The following DEK variants were observed in gnomAD, a reference collection of about 807,000 sequenced individuals.
DEK encodes the protein DEK proto-oncogene.
A neutral mutation model predicts 46.8 loss-of-function variants in DEK; 28 were observed. That is an observed-to-expected ratio of 0.60 (90% CI 0.44 to 0.82). The LOEUF is 0.82. Among genes scored for constraint, DEK ranks in the 40% least tolerant of loss-of-function variants. The probability of loss-of-function intolerance (pLI) is 0.00; values close to 1 mark genes in which losing one functional copy is unlikely to be tolerated. For missense variants in DEK, 416 were observed against 430.6 expected (o/e 0.97, Z 0.30); for synonymous variants, 160 against 144.5 (o/e 1.11, Z -0.77).
At chr6:18,245,764 C>T (rs182972925) in intron 7 of DEK, among the ~76,000 whole-genome samples, 29 of 152,348 alleles carry the variant, frequency 1.9e-4, no homozygotes, top group Admixed American at 1.6e-3. Context: ...TTAACCTCAA[C>T]GGCTCATTGA....
chr6:18,225,404 T>A lies in DEK; in HGVS notation c.*315A>T, dbSNP rs1790068132. 1 of 314,222 alleles carries A rather than the reference T, an allele frequency of 3.2e-6. No homozygotes were observed. Among genetic ancestry groups the A allele is most frequent in the East Asian group, 4.7e-5 (1 of 21,448 alleles). The allele number at this position is 314,222 out of a possible 1,614,324, so 19.5% of individuals were successfully genotyped here. Reference sequence around the variant, plus strand: ...AAGTATGCCTTAAGCAAGCTAATATTAAGTGCACTAAAAACCACAACAGCT... The same window carrying A: ...AAGTATGCCTTAAGCAAGCTAATATAAAGTGCACTAAAAACCACAACAGCT... On this transcript the variant is annotated 3_prime_UTR_variant, in exon 11 of 11. Coordinates refer to ENST00000652689, the MANE Select transcript of DEK (RefSeq NM_003472.4).
chr6:18,229,429 C>T (rs1790301617), intron 9 of DEK, among the ~76,000 whole-genome samples: 2 of 152,248 alleles, frequency 1.3e-5, no homozygotes, highest in South Asian at 4.2e-4. Flanking sequence ...CAAACTTCTC[C>T]AAGCTAAAGG....
At position 18,256,469 on chromosome 6, in the gene DEK, T is replaced by A; in HGVS notation, c.358-14A>T. On this transcript the variant is annotated splice_polypyrimidine_tract_variant and intron_variant, in intron 4 of 10. Transcript: ENST00000652689. ...TAATGAGGACACCTGAAAATGTTCC[T>A]TATTATTAATGGTATTTATTACCCA... 3 of 1,599,880 alleles carry A rather than the reference T, an allele frequency of 1.9e-6. No homozygotes were observed. The highest frequency in any genetic ancestry group is 2.6e-6 in the Non-Finnish European group (3 of 1,170,842).
chr6:18,242,728 G>A (rs1582272212), intron 7 of DEK, among the ~76,000 whole-genome samples: 1 of 152,142 alleles, frequency 6.6e-6, no homozygotes, highest in Admixed American at 6.5e-5. Flanking sequence ...CCAAAGCCCA[G>A]AAGTAGTAAT....
chr6:18,256,965 T>G (rs1474842236), intron 4 of DEK, among the ~76,000 whole-genome samples: 1 of 152,188 alleles, frequency 6.6e-6, no homozygotes, highest in African/African-American at 2.4e-5. Flanking sequence ...ATTAACAGAC[T>G]CACTGAAAAT....
intron 6 of DEK, among the ~76,000 whole-genome samples, chr6:18,250,063 A>G (rs575533794): frequency 6.6e-6 from 1 of 152,326 alleles, no homozygotes; most frequent in South Asian, 2.1e-4. Context: ...TCTCAATTGT[A>G]GAGAAATATG....
At chr6:18,263,749 A>C in intron 2 of DEK, 94 bp downstream of exon 2, 1 of 1,607,110 alleles carries the variant, frequency 6.2e-7, no homozygotes, top group Non-Finnish European at 8.5e-7. Context: ...CACGCCTCTA[A>C]ACACCAAAAG....
At chr6:18,258,831 G>A (rs1339835303) in intron 2 of DEK, among the ~76,000 whole-genome samples, 1 of 152,080 alleles carries the variant, frequency 6.6e-6, no homozygotes, top group Non-Finnish European at 1.5e-5. Context: ...AACTTCAAAA[G>A]ATATATAGAG....
At chr6:18,246,529 T>G (rs1791122066) in intron 7 of DEK, among the ~76,000 whole-genome samples, 1 of 152,236 alleles carries the variant, frequency 6.6e-6, no homozygotes, top group African/African-American at 2.4e-5. Flanking sequence ...AAATCTGACA[T>G]TTTCTTTTAA....
At chr6:18,253,103 ATT>A (rs912873446) in intron 6 of DEK, among the ~76,000 whole-genome samples, 24 of 137,456 alleles carry the variant, frequency 1.7e-4, no homozygotes, top group African/African-American at 2.1e-4. Flanking sequence ...AGAACCCCAC[ATT>A]TTTTTTTTTT....
rs760448785 is a variant in DEK at position 18,249,856 on chromosome 6, A to G, written c.574-17T>C. 1.3e-6 allele frequency: 2 copies of G among 1,586,876 alleles called. No individual in the cohort carries two copies. Among genetic ancestry groups the G allele is most frequent in the Non-Finnish European group, 1.7e-6 (2 of 1,171,942 alleles). On this transcript the variant is annotated splice_polypyrimidine_tract_variant and intron_variant, in intron 6 of 10. Transcript: ENST00000652689. ...CGGCAATGGCTGCATAAAAATTTAT[A>G]AAGATAACACCAATGAGGTATAATA...
intron 2 of DEK, among the ~76,000 whole-genome samples, chr6:18,261,298 C>T (rs114592070): frequency 6.6e-6 from 1 of 152,174 alleles, no homozygotes; most frequent in Non-Finnish European, 1.5e-5. Flanking sequence ...GTAGGCCGGG[C>T]GCAGTGGCTT....
chr6:18,253,267 T>G lies in DEK; in HGVS notation c.573+2464A>C, dbSNP rs995803994. Among the ~76,000 whole-genome samples, 3 of 152,210 alleles carry G rather than the reference T, an allele frequency of 2.0e-5. No individual in the cohort carries two copies. In the East Asian group the frequency reaches 5.8e-4, roughly 29 times the overall value. Reference sequence around the variant, plus strand: ...TATTTGATAGAGATGTTTTCAAACATGAACAAGGTGAGCTTGTCACTTCAA... The same window carrying G: ...TATTTGATAGAGATGTTTTCAAACAGGAACAAGGTGAGCTTGTCACTTCAA... On this transcript the variant is annotated intron_variant, in intron 6 of 10. Transcript: ENST00000652689.
chr6:18,260,242 A>T (rs1009211904), intron 2 of DEK, among the ~76,000 whole-genome samples: 3 of 152,224 alleles, frequency 2.0e-5, no homozygotes, highest in Admixed American at 6.5e-5. Context: ...TGATATGTAA[A>T]TAGTTGTTAT....
intron 2 of DEK, among the ~76,000 whole-genome samples, chr6:18,259,507 T>C (rs1469401219): frequency 6.6e-6 from 1 of 151,214 alleles, no homozygotes; most frequent in Non-Finnish European, 1.5e-5. Flanking sequence ...AATCATTTTT[T>C]GAATGAAATA....
chr6:18,234,456 G>C (rs1181849236), intron 9 of DEK, among the ~76,000 whole-genome samples: 1 of 152,110 alleles, frequency 6.6e-6, no homozygotes, highest in Non-Finnish European at 1.5e-5. Flanking sequence ...ACAGATTGCT[G>C]TGGGAAAATA....
chr6:18,246,420 C>G (rs1016962875), intron 7 of DEK, among the ~76,000 whole-genome samples: 2 of 152,160 alleles, frequency 1.3e-5, no homozygotes, highest in Non-Finnish European at 2.9e-5. Flanking sequence ...AATTGCAAAA[C>G]TATTGTGACT....
chr6:18,264,346 G>GGGGCGACCGGGCCTC, intron 1 of DEK, 39 bp downstream of exon 1: 1 of 174,144 alleles, frequency 5.7e-6, no homozygotes, highest in Non-Finnish European at 1.2e-5. Context: ...GGCCGCGGCA[G>GGGGCGACCGGGCCTC]GGGCGACCGG....
In DEK at chr6:18,224,612, T is replaced by C. The variant is rs760811824; in HGVS notation, c.*1107A>G. ...CCAGAGAAACATTAAATTTCTTTAATGTAAAAGTATATTATTTTTGAGACA... is the reference window on the plus strand; with the variant it reads ...CCAGAGAAACATTAAATTTCTTTAACGTAAAAGTATATTATTTTTGAGACA... On this transcript the variant is annotated 3_prime_UTR_variant, in exon 11 of 11. Transcript: ENST00000652689. The C allele has an allele frequency of 4.9e-6, 1 of 204,520 alleles. No homozygotes were observed. Among genetic ancestry groups the C allele is most frequent in the East Asian group, 7.5e-5 (1 of 13,304 alleles). 12.7% of individuals were successfully genotyped at this position (204,520 alleles called of 1,614,324 possible).
Sources: allele counts gnomAD v4.1 joint callset (sites outside exome capture counted in the v4.1 genomes callset), GRCh38; gene constraint gnomAD v4.1.1; transcripts MANE v1.5; gene names NCBI Gene and HGNC (gene_info 2026-07-23, HGNC 2026-07-21).